The following RCOR2 variants were observed in gnomAD, a reference collection of about 807,000 sequenced individuals.
RCOR2 encodes REST corepressor 2.
RCOR2 carries 19 observed loss-of-function variants against 58.9 expected under a neutral mutation model. The ratio of observed to expected loss-of-function variants is 0.32; its 90% CI spans 0.23 to 0.47. The LOEUF is 0.47. Among genes scored for constraint, RCOR2 ranks in the 20% least tolerant of loss-of-function variants. RCOR2 has a pLI of 1.00. For synonymous variants in RCOR2, 286 were observed against 278.7 expected, an observed-to-expected ratio of 1.03 and a Z score of -0.26; for missense variants, 590 against 707.9, an observed-to-expected ratio of 0.83 and a Z score of 1.89.
At chr11:63,924,818 TG>T in the RCOR2 span, among the ~76,000 whole-genome samples, 1 of 151,564 alleles carries the variant, frequency 6.6e-6, no homozygotes, top group East Asian at 1.9e-4. Context: ...TGAGTCACCG[TG>T]ATTACAGGCA....
In RCOR2 at chr11:63,913,079, G is replaced by C. The variant is rs144890641; in HGVS notation, c.892-132C>G. On this transcript the variant is annotated intron_variant, in intron 8 of 11. Coordinates refer to ENST00000301459, the MANE Select transcript of RCOR2 (RefSeq NM_173587.4). Reference sequence around the variant, plus strand: ...CAAAGCTTTCTGCCATCCACCATCTGGCTTGTTCCTCCTAAACAACTACTC... The same window carrying C: ...CAAAGCTTTCTGCCATCCACCATCTCGCTTGTTCCTCCTAAACAACTACTC... The C allele has an allele frequency of 8.8e-4, 642 of 727,258 alleles. 4 individuals carry two copies. In the East Asian group the frequency reaches 0.015, roughly 17 times the overall value. 45.1% of individuals were successfully genotyped at this position (727,258 alleles called of 1,614,324 possible).
the RCOR2 span, among the ~76,000 whole-genome samples, chr11:63,925,018 T>C: frequency 6.6e-6 from 1 of 151,820 alleles, no homozygotes; most frequent in African/African-American, 2.4e-5. Context: ...GCCCAGCTAA[T>C]TTTTTTGTAT....
the RCOR2 span, among the ~76,000 whole-genome samples, chr11:63,927,707 C>T: frequency 6.9e-6 from 1 of 145,472 alleles, no homozygotes; most frequent in African/African-American, 2.5e-5. Flanking sequence ...GAATCAGCCT[C>T]AGGTGTCCCA....
chr11:63,916,193 A>G, intron 1 of RCOR2, 137 bp downstream of exon 1: 1 of 835,368 alleles, frequency 1.2e-6, no homozygotes, highest in Non-Finnish European at 1.8e-6. Flanking sequence ...TTGTGGGAGA[A>G]GCAACGCAGA....
At chr11:63,913,034 C>A in intron 8 of RCOR2, 87 bp from the exon 9 acceptor site, 1 of 1,078,192 alleles carries the variant, frequency 9.3e-7, no homozygotes, top group Non-Finnish European at 1.4e-6. Flanking sequence ...TCTGCACAGA[C>A]ACCAGCACCA....
chr11:63,914,871 C>A (rs2134247416), intron 4 of RCOR2, 31 bp downstream of exon 4: 2 of 1,612,352 alleles, frequency 1.2e-6, no homozygotes, highest in East Asian at 4.5e-5. Flanking sequence ...CGTTCCACCC[C>A]ATTCCCAAGT....
upstream of RCOR2, among the ~76,000 whole-genome samples, chr11:63,920,571 G>A (rs1941909412): frequency 6.6e-6 from 1 of 152,208 alleles, no homozygotes; most frequent in Non-Finnish European, 1.5e-5. Context: ...GAGGGCCCCG[G>A]GGTTGGGGAG....
At chr11:63,913,771 C>T (rs959470934) in intron 8 of RCOR2, among the ~76,000 whole-genome samples, 183 bp downstream of exon 8, 6 of 152,204 alleles carry the variant, frequency 3.9e-5, no homozygotes, top group African/African-American at 7.2e-5. Flanking sequence ...CGTGAGCCAG[C>T]GCACCCAGCC....
chr11:63,915,036 C>A, intron 3 of RCOR2, 82 bp from the exon 4 acceptor site: 1 of 1,578,740 alleles, frequency 6.3e-7, no homozygotes, highest in Non-Finnish European at 8.7e-7. Context: ...GACCACCCCA[C>A]AACGGCCAGG....
chr11:63,916,509 GTTGCCGCACTCGCTC>G lies in RCOR2; in HGVS notation c.-68_-54del. 1 of 1,564,924 alleles carries G rather than the reference GTTGCCGCACTCGCTC, an allele frequency of 6.4e-7. No individual in the cohort carries two copies. The highest frequency in any genetic ancestry group is 8.6e-7 in the Non-Finnish European group (1 of 1,158,034). ...CAGGAGCCTTCGGAGAGCGACAGTG[GTTGCCGCACTCGCTC>G]CGAGTGCCGAGCCCGGCCCGGCCTG... On this transcript the variant is annotated 5_prime_UTR_variant, in exon 1 of 12. Transcript: ENST00000301459.
At chr11:63,923,436 C>T in the RCOR2 span, among the ~76,000 whole-genome samples, 1 of 152,084 alleles carries the variant, frequency 6.6e-6, no homozygotes, top group Non-Finnish European at 1.5e-5. Flanking sequence ...TCACACCCCT[C>T]CATCCCTGTC....
chr11:63,915,451 C>A, intron 2 of RCOR2, 104 bp downstream of exon 2: 1 of 1,298,862 alleles, frequency 7.7e-7, no homozygotes, highest in Non-Finnish European at 1.1e-6. Context: ...CCCCTGCCAG[C>A]CTGCCCTTCC....
In RCOR2 at chr11:63,912,508, C is replaced by G. The variant is rs1253926144; in HGVS notation, c.1054G>C (p.Gly352Arg). 2 of 1,613,908 alleles carry G rather than the reference C, an allele frequency of 1.2e-6. No homozygotes were observed. Among genetic ancestry groups the G allele is most frequent in the Non-Finnish European group, 8.5e-7 (1 of 1,179,896 alleles). The change falls in exon 11 of 12, where the codon GGG becomes CGG. Residue 352 changes from glycine (G) to arginine (R), a missense_variant. This residue lies in a region of RCOR2 where 390 missense variants were observed against 478.7 expected (regional missense o/e 0.81). Coordinates refer to ENST00000301459, the MANE Select transcript of RCOR2 (RefSeq NM_173587.4). ...QAIRRYGKDF[G>R]AIAEVIGNKT... is the part of the protein sequence containing the mutation. ...TTCCCAATCACCTCTGCAATAGCCC[C>G]AAAGTCTTTGCCATACCTACGGATG... is the stretch of plus-strand genomic sequence containing the variant.
In RCOR2 at chr11:63,911,419, T is replaced by A; in HGVS notation, c.*446A>T. 6.5e-6 allele frequency: 1 copy of A among 152,786 alleles called. No individual in the cohort carries two copies. The allele number at this position is 152,786 out of a possible 1,614,324, so 9.5% of individuals were successfully genotyped here. On this transcript the variant is annotated 3_prime_UTR_variant, in exon 12 of 12. Coordinates refer to ENST00000301459, the MANE Select transcript of RCOR2 (RefSeq NM_173587.4). ...AGCCTCTGCTGCTGTAAGGCCCCTC[T>A]GCCCACCTCCCCCCCTGCAGCCTCC...
At chr11:63,915,672 G>GC (rs1941846687) in intron 1 of RCOR2, 61 bp from the exon 2 acceptor site, 2 of 1,273,500 alleles carry the variant, frequency 1.6e-6, no homozygotes, top group African/African-American at 1.5e-5. Flanking sequence ...GGAGGATGTG[G>GC]CGGGCGGGGG....
chr11:63,925,711 G>A, the RCOR2 span, among the ~76,000 whole-genome samples: 1 of 151,690 alleles, frequency 6.6e-6, no homozygotes, highest in Middle Eastern at 3.4e-3. Flanking sequence ...CCAGCTACTA[G>A]GGAGGCTGAG....
chr11:63,914,185 G>A lies in RCOR2; in HGVS notation c.676-16C>T. ...AGGGTAGAGGCTGCCAGTGAAAGGAGAGGCAGGTAGGTGGTGCAGAGCCAG... is the reference window on the plus strand; with the variant it reads ...AGGGTAGAGGCTGCCAGTGAAAGGAAAGGCAGGTAGGTGGTGCAGAGCCAG... On this transcript the variant is annotated splice_polypyrimidine_tract_variant and intron_variant, in intron 7 of 11. Transcript: ENST00000301459. 6.2e-7 allele frequency: 1 copy of A among 1,613,462 alleles called. No individual in the cohort carries two copies. The highest frequency in any genetic ancestry group is 8.5e-7 in the Non-Finnish European group (1 of 1,179,796).
rs749192847 is a variant in RCOR2 at position 63,912,749 on chromosome 11, C to T, written c.970-16G>A. ...TGGTGTTGGCCTGGAAAGCAAGGAA[C>T]AACATATCCTTTAGACTCAAAACCA... On this transcript the variant is annotated splice_polypyrimidine_tract_variant and intron_variant, in intron 9 of 11. Transcript: ENST00000301459. 4.3e-6 allele frequency: 7 copies of T among 1,613,742 alleles called. No individual in the cohort carries two copies. In the Middle Eastern group the frequency reaches 8.2e-4, roughly 190 times the overall value.
At position 63,916,988 on chromosome 11, in the gene RCOR2, A is replaced by ACGG. The variant is rs1408666254; in HGVS notation, c.-535_-533dup. The ACGG allele has an allele frequency of 2.4e-5, 3 of 124,436 alleles. No homozygotes were observed. Among genetic ancestry groups the ACGG allele is most frequent in the Non-Finnish European group, 3.6e-5 (2 of 54,950 alleles). The allele number at this position is 124,436 out of a possible 1,614,324, so 7.7% of individuals were successfully genotyped here. ...GGCACCGGCGGCGGCGGCGGCGGCG[A>ACGG]CGGCGGCGGGACGGCGCGCACGGCG... On this transcript the variant is annotated 5_prime_UTR_variant, in exon 1 of 12. Transcript: ENST00000301459.
Sources: gnomAD v4.1 joint callset for allele counts (sites outside exome capture counted in the v4.1 genomes callset) on GRCh38, gnomAD v4.1.1 for gene constraint, gnomAD v4.1.1 regional missense constraint, MANE v1.5 for transcripts, NCBI Gene and HGNC (gene_info 2026-07-23, HGNC 2026-07-21) for gene names.